Variants in ME2 observed in about 807,000 individuals in gnomAD.
The protein encoded by ME2 is malic enzyme 2.
A neutral mutation model predicts 73.7 loss-of-function variants in ME2; 60 were observed. The ratio of observed to expected loss-of-function variants is 0.81; its 90% CI spans 0.66 to 1.01. ME2 has a LOEUF of 1.01. Ranked by LOEUF, ME2 falls within the 50% of genes least tolerant of loss-of-function variation. The pLI, the probability that ME2 is intolerant of heterozygous loss-of-function variation, is 0.00. For synonymous variants in ME2, 199 were observed against 236.9 expected (o/e 0.84, Z 1.47); for missense variants, 594 against 705.5 (o/e 0.84, Z 1.79).
intron 3 of ME2, among the ~76,000 whole-genome samples, chr18:50,911,196 C>T (rs559089027): frequency 3.8e-4 from 58 of 152,346 alleles, no homozygotes; most frequent in African/African-American, 1.3e-3. Flanking sequence ...CTTAACATTA[C>T]TTCCATCTCA....
chr18:50,929,714 A>G (rs1006124318), intron 12 of ME2, among the ~76,000 whole-genome samples: 1 of 152,046 alleles, frequency 6.6e-6, no homozygotes, highest in African/African-American at 2.4e-5. Context: ...TTATCTTTTT[A>G]TTACTTTTAG....
chr18:50,913,860 T>TACAC lies in ME2; in HGVS notation c.392+938_392+941dup, dbSNP rs1555677139. Among the ~76,000 whole-genome samples the TACAC allele has an allele frequency of 4.6e-3, 652 of 143,270 alleles. 5 individuals carry two copies. Among genetic ancestry groups the TACAC allele is most frequent in the African/African-American group, 0.015 (582 of 38,068 alleles). 94.0% of individuals were successfully genotyped at this position (143,270 alleles called of 152,430 possible). On this transcript the variant is annotated intron_variant, in intron 4 of 15. Coordinates refer to ENST00000321341, the MANE Select transcript of ME2 (RefSeq NM_002396.5). ...CTTTGGAAAATTATCAGCAATATTA[T>TACAC]ACACACACACACACACACACACACA...
intron 1 of ME2, among the ~76,000 whole-genome samples, chr18:50,882,516 A>G (rs1366664817): frequency 6.6e-6 from 1 of 152,202 alleles, no homozygotes; most frequent in African/African-American, 2.4e-5. Context: ...GATGAGAAAA[A>G]TGAAACATCT....
rs1918244465 is a variant in ME2 at position 50,952,401 on chromosome 18, A to G, written c.*5217A>G. Reference sequence around the variant, plus strand: ...TTAGTGATTAGATTTTAAAAACATTATTTTCCTTTCTTGAATAAGGAAAAT... The same window carrying G: ...TTAGTGATTAGATTTTAAAAACATTGTTTTCCTTTCTTGAATAAGGAAAAT... On this transcript the variant is annotated 3_prime_UTR_variant, in exon 16 of 16. Coordinates refer to ENST00000321341, the MANE Select transcript of ME2 (RefSeq NM_002396.5). 6.6e-6 allele frequency: 1 copy of G among 152,218 alleles called. No homozygotes were observed. Among genetic ancestry groups the G allele is most frequent in the Admixed American group, 6.5e-5 (1 of 15,286 alleles). The allele number at this position is 152,218 out of a possible 1,614,324, so 9.4% of individuals were successfully genotyped here.
chr18:50,918,772 C>T (rs1917350817), intron 7 of ME2, among the ~76,000 whole-genome samples: 2 of 151,468 alleles, frequency 1.3e-5, no homozygotes, highest in East Asian at 3.9e-4. Flanking sequence ...CTACCTAGTC[C>T]TCTTCTCTTT....
At position 50,939,587 on chromosome 18, in the gene ME2, ATT is replaced by A; in HGVS notation, c.1436_1437del (p.Ile479ThrfsTer3). Reference protein sequence around the residue: ...YIFPGVALAVILCNTRHISDS... With the variant: ...YIFPGVALAVXLCNTRHISDS... ...TGTTCTAGGTGTGGCTTTAGCTGTT[ATT>A]CTCTGTAACACCCGGCATATTAGTG... On this transcript the variant is annotated frameshift_variant, in exon 14 of 16. Coordinates refer to ENST00000321341, the MANE Select transcript of ME2 (RefSeq NM_002396.5). LOFTEE classifies it high-confidence loss of function. The A allele has an allele frequency of 6.2e-7, 1 of 1,612,096 alleles. No individual in the cohort carries two copies. Among genetic ancestry groups the A allele is most frequent in the South Asian group, 1.1e-5 (1 of 91,022 alleles).
At chr18:50,920,827 T>C (rs2144238377) in intron 9 of ME2, 69 bp downstream of exon 9, 1 of 1,218,366 alleles carries the variant, frequency 8.2e-7, no homozygotes, top group Non-Finnish European at 1.2e-6. Flanking sequence ...GGGCAGAATA[T>C]TGATGTTTAT....
chr18:50,939,276 CTGGGAACTGG>C, intron 13 of ME2: 1 of 242,298 alleles, frequency 4.1e-6, no homozygotes, highest in Non-Finnish European at 8.0e-6. Flanking sequence ...TAGAGGTGGG[CTGGGAACTGG>C]AGTTAAAACA....
chr18:50,929,825 A>G (rs1165862754), intron 12 of ME2, among the ~76,000 whole-genome samples: 1 of 152,202 alleles, frequency 6.6e-6, no homozygotes, highest in Non-Finnish European at 1.5e-5. Context: ...TTGGGTAAAT[A>G]TATTAAATGC....
Position 50,920,722 on chromosome 18 carries a change from C to T in ME2, c.906C>T (p.Ile302=). The change falls in exon 9 of 16, where the codon ATC becomes ATT. Residue 302 remains isoleucine, a synonymous_variant. Transcript: ENST00000321341. ...LAAQKVISKP[I]SEHKILFLGA... ...CACAAAAAGTTATTAGTAAACCAAT[C>T]TCCGAACACAAAATCTTATTCCTTG... 5.6e-6 allele frequency: 9 copies of T among 1,611,876 alleles called. No individual in the cohort carries two copies. Among genetic ancestry groups the T allele is most frequent in the Non-Finnish European group, 7.6e-6 (9 of 1,179,740 alleles).
chr18:50,912,275 T>C (rs1917174568), intron 3 of ME2, among the ~76,000 whole-genome samples: 1 of 152,218 alleles, frequency 6.6e-6, no homozygotes, highest in Admixed American at 6.5e-5. Context: ...CAATTGACAA[T>C]TGCCTTTTTT....
intron 4 of ME2, among the ~76,000 whole-genome samples, chr18:50,914,053 G>GT (rs1402859706): frequency 2.0e-5 from 3 of 152,084 alleles, no homozygotes; most frequent in African/African-American, 7.2e-5. Flanking sequence ...TTTAATGTGT[G>GT]TAAGAAATAC....
At chr18:50,904,477 T>C in intron 2 of ME2, among the ~76,000 whole-genome samples, 1 of 151,974 alleles carries the variant, frequency 6.6e-6, no homozygotes, top group East Asian at 1.9e-4. Flanking sequence ...AGAGATGGGG[T>C]TTCACCATAT....
At chr18:50,945,573 T>C (rs1918063772) in intron 15 of ME2, among the ~76,000 whole-genome samples, 1 of 152,174 alleles carries the variant, frequency 6.6e-6, no homozygotes, top group Admixed American at 6.5e-5. Flanking sequence ...ACATTTTCTA[T>C]CACAAAATAC....
intron 15 of ME2, chr18:50,942,765 C>A (rs902686692): frequency 3.1e-5 from 9 of 290,260 alleles, no homozygotes; most frequent in African/African-American, 1.5e-4. Flanking sequence ...TGAAAACATT[C>A]ATTTTTATGA....
rs1917536431 is a variant in ME2, at chr18:50,925,770, G to A, written c.1186G>A (p.Gly396Ser). The part of the protein sequence containing the change: ...PSTIIGVAGA[G>S]RLFTPDVIRA... ...ACTTATTACAGGAGTTGCAGGTGCT[G>A]GCCGTCTTTTCACTCCTGATGTAAT... is the stretch of plus-strand genomic sequence containing the variant. The change falls in exon 12 of 16, where the codon GGC (glycine) becomes AGC (serine). Residue 396 changes from glycine to serine, a missense_variant. Physicochemically the swap from Gly to Ser is moderately conservative, Grantham distance 56. Coordinates refer to ENST00000321341, the MANE Select transcript of ME2 (RefSeq NM_002396.5). 1 of 1,613,836 alleles carries A rather than the reference G, an allele frequency of 6.2e-7. No individual in the cohort carries two copies. Among genetic ancestry groups the A allele is most frequent in the Non-Finnish European group, 8.5e-7 (1 of 1,179,848 alleles).
chr18:50,920,619 G>A (rs764715481), intron 8 of ME2, 42 bp from the exon 9 acceptor site: 2 of 1,576,228 alleles, frequency 1.3e-6, no homozygotes, highest in Admixed American at 2.0e-5. Flanking sequence ...CATTTTTAAT[G>A]TGCCCATTTT....
intron 2 of ME2, among the ~76,000 whole-genome samples, chr18:50,900,227 T>A (rs888759587): frequency 1.4e-4 from 21 of 151,802 alleles, no homozygotes; most frequent in South Asian, 4.2e-4. Flanking sequence ...TTTTTTTTTT[T>A]AAATAAGAAT....
chr18:50,899,959 C>CG (rs1456020922), intron 2 of ME2, among the ~76,000 whole-genome samples: 4 of 152,146 alleles, frequency 2.6e-5, no homozygotes, highest in Admixed American at 6.5e-5. Context: ...GATTGGTGCT[C>CG]GGAGTTTCAC....
Sources: gnomAD v4.1 joint callset for allele counts (sites outside exome capture counted in the v4.1 genomes callset) on GRCh38, gnomAD v4.1.1 for gene constraint, MANE v1.5 for transcripts, NCBI Gene and HGNC (gene_info 2026-07-23, HGNC 2026-07-21) for gene names.